Variants in MBNL2 observed in about 807,000 individuals in gnomAD.
The protein encoded by MBNL2 is muscleblind like splicing regulator 2, also known as muscleblind-like protein 2.
Under a neutral mutation model 41.9 loss-of-function variants are expected in MBNL2, and 17 were observed. The observed-to-expected ratio is 0.41, with a 90% CI of 0.28 to 0.61. MBNL2 has a LOEUF of 0.61. MBNL2 is among the 20% of genes least tolerant of loss of function. The pLI is 0.35. For missense variants in MBNL2, 336 were observed against 505.6 expected (o/e 0.66, Z 3.22); for synonymous variants, 195 against 182.9 (o/e 1.07, Z -0.53).
intron 2 of MBNL2, among the ~76,000 whole-genome samples, chr13:97,310,264 G>A (rs909195596): frequency 6.6e-6 from 1 of 152,162 alleles, no homozygotes; most frequent in Non-Finnish European, 1.5e-5. Flanking sequence ...ACCATAAAAA[G>A]AGGGGATTGT....
chr13:97,346,766 G>C lies in MBNL2; in HGVS notation c.541-38G>C, dbSNP rs1350345804. The C allele has an allele frequency of 6.3e-7, 1 of 1,599,230 alleles. No individual in the cohort carries two copies. The highest frequency in any genetic ancestry group is 8.5e-7 in the Non-Finnish European group (1 of 1,170,806). Reference sequence around the variant, plus strand: ...GGGCCGCAGGGGCGCCTGGGCTCAGGCTTGCCTCTGCAGCGCGGCTCTTCT... The same window carrying C: ...GGGCCGCAGGGGCGCCTGGGCTCAGCCTTGCCTCTGCAGCGCGGCTCTTCT... On this transcript the variant is annotated intron_variant, in intron 4 of 8. Coordinates refer to ENST00000679496, the MANE Select transcript of MBNL2 (RefSeq NM_001382683.1). This position sits in a 1 kb window ranked among gnomAD's most constrained non-coding sequence, Gnocchi z 4.2.
At chr13:97,374,114 A>G (rs1277932596) in intron 8 of MBNL2, among the ~76,000 whole-genome samples, 1 of 112,914 alleles carries the variant, frequency 8.9e-6, no homozygotes, top group Non-Finnish European at 1.7e-5. Context: ...TCGCCCTGTC[A>G]CCTACGCTGG....
At chr13:97,185,762 T>C in the MBNL2 span, among the ~76,000 whole-genome samples, 2 of 152,366 alleles carry the variant, frequency 1.3e-5, no homozygotes, top group East Asian at 3.9e-4. Flanking sequence ...TCCAGAACTA[T>C]AAGCTGTAAA....
intron 1 of MBNL2, among the ~76,000 whole-genome samples, chr13:97,231,860 T>C (rs1464377286): frequency 6.6e-6 from 1 of 152,278 alleles, no homozygotes; most frequent in South Asian, 2.1e-4. Flanking sequence ...AGATTCCTTT[T>C]CTTCTGGATG....
At chr13:97,170,444 A>G in the MBNL2 span, among the ~76,000 whole-genome samples, 1 of 152,236 alleles carries the variant, frequency 6.6e-6, no homozygotes, top group African/African-American at 2.4e-5. Flanking sequence ...TTTAATTGAC[A>G]TGAATCCAGC....
At chr13:97,177,011 C>A in the MBNL2 span, among the ~76,000 whole-genome samples, 4 of 151,994 alleles carry the variant, frequency 2.6e-5, no homozygotes, top group Non-Finnish European at 5.9e-5. Flanking sequence ...AAGCAAGGTA[C>A]AAAAAATGTA....
the MBNL2 span, among the ~76,000 whole-genome samples, chr13:97,210,633 C>T: frequency 1.7e-5 from 2 of 114,488 alleles, no homozygotes; most frequent in African/African-American, 7.1e-5. Flanking sequence ...CACACTGTTG[C>T]CCAGGCTGGA....
intron 8 of MBNL2, among the ~76,000 whole-genome samples, chr13:97,368,520 C>A (rs562609595): frequency 2.6e-5 from 4 of 152,014 alleles, no homozygotes; most frequent in Non-Finnish European, 4.4e-5. Context: ...ACTTAGAGAT[C>A]TTTTTTAAGA....
At chr13:97,224,104 G>A (rs996379003) in intron 1 of MBNL2, among the ~76,000 whole-genome samples, 6 of 152,142 alleles carry the variant, frequency 3.9e-5, no homozygotes, top group African/African-American at 1.4e-4. Flanking sequence ...CAGGGCTTCT[G>A]GCTGGGCTGG....
chr13:97,369,132 G>A (rs2064132569), intron 8 of MBNL2, among the ~76,000 whole-genome samples: 1 of 152,164 alleles, frequency 6.6e-6, no homozygotes, highest in Admixed American at 6.5e-5. Context: ...AAGTTTCAAA[G>A]AGCAAAGCAT....
intron 8 of MBNL2, among the ~76,000 whole-genome samples, chr13:97,369,619 T>A (rs2153130288): frequency 6.6e-6 from 1 of 152,266 alleles, no homozygotes; most frequent in East Asian, 1.9e-4. Context: ...TAGATACAAG[T>A]CATTGATTGA....
the MBNL2 span, among the ~76,000 whole-genome samples, chr13:97,197,441 T>A: frequency 6.6e-6 from 1 of 152,232 alleles, no homozygotes; most frequent in Non-Finnish European, 1.5e-5. Flanking sequence ...AAACTCAGTT[T>A]AATGTTTATT....
chr13:97,259,930 T>C (rs2152872889), intron 1 of MBNL2, among the ~76,000 whole-genome samples: 1 of 152,332 alleles, frequency 6.6e-6, no homozygotes, highest in Middle Eastern at 3.4e-3. Context: ...CAAATATCTA[T>C]TCACTGCTCA....
intron 1 of MBNL2, among the ~76,000 whole-genome samples, chr13:97,251,978 G>A (rs936353242): frequency 6.7e-6 from 1 of 150,018 alleles, no homozygotes; most frequent in African/African-American, 2.4e-5. Flanking sequence ...AGCCTCCCGA[G>A]TAGCTGGGAC....
chr13:97,325,697 TCCAGCCTGGGTGA>T (rs1184739193), intron 2 of MBNL2, among the ~76,000 whole-genome samples: 2 of 152,158 alleles, frequency 1.3e-5, no homozygotes, highest in Non-Finnish European at 2.9e-5. Context: ...GCCACTGCAC[TCCAGCCTGGGTGA>T]CAGAGTGAGA....
the MBNL2 span, among the ~76,000 whole-genome samples, chr13:97,153,339 A>G: frequency 6.6e-6 from 1 of 151,278 alleles, no homozygotes; most frequent in Non-Finnish European, 1.5e-5. Flanking sequence ...GTGTGTGTGT[A>G]TTTTCTTGGA....
At chr13:97,164,205 G>A in the MBNL2 span, among the ~76,000 whole-genome samples, 10 of 152,034 alleles carry the variant, frequency 6.6e-5, no homozygotes, top group Non-Finnish European at 1.3e-4. Context: ...ACGGGGTTTC[G>A]CCATGCTGGC....
intron 5 of MBNL2, among the ~76,000 whole-genome samples, chr13:97,350,435 CATTG>C (rs1284931798): frequency 6.6e-6 from 1 of 152,210 alleles, no homozygotes; most frequent in Non-Finnish European, 1.5e-5. Flanking sequence ...AACATTGCCA[CATTG>C]ATTGACTCTT....
the MBNL2 span, among the ~76,000 whole-genome samples, chr13:97,146,887 A>C: frequency 6.6e-6 from 1 of 152,298 alleles, no homozygotes; most frequent in Admixed American, 6.5e-5. Context: ...GCCATCCCTC[A>C]GTTGAAAAGG....
Sources: gnomAD v4.1 joint callset for allele counts (sites outside exome capture counted in the v4.1 genomes callset) on GRCh38, gnomAD v4.1.1 for gene constraint, Gnocchi (gnomAD v3.1) non-coding constraint, MANE v1.5 for transcripts, NCBI Gene and HGNC (gene_info 2026-07-23, HGNC 2026-07-21) for gene names.